ITIH6: variants seen among roughly 807,000 people sequenced by gnomAD.
The protein encoded by ITIH6 is inter-alpha-trypsin inhibitor heavy chain H6.
ITIH6 carries 60 observed loss-of-function variants against 58.2 expected under a neutral mutation model. That is an observed-to-expected ratio of 1.03 (90% CI 0.84 to 1.28). The LOEUF (loss-of-function observed/expected upper bound fraction) is 1.28. ITIH6 is among the 50% of genes most tolerant of loss of function. The pLI is 0.00. For missense variants in ITIH6, 1,290 were observed against 1,021.1 expected (o/e 1.26, Z -3.59); for synonymous variants, 493 against 417.4 (o/e 1.18, Z -2.21).
chrX:54,762,210 G>T (rs1188650286), intron 6 of ITIH6, among the ~76,000 whole-genome samples: 2 of 111,288 alleles, frequency 1.8e-5, no homozygotes, highest in African/African-American at 6.6e-5. Context: ...ATTGTGACTG[G>T]GAGTTCACTC....
At chrX:54,768,015 T>A (rs1425598885) in intron 6 of ITIH6, among the ~76,000 whole-genome samples, 1,839 of 74,198 alleles carry the variant, frequency 0.025, no homozygotes, top group African/African-American at 0.072. Context: ...ATTATTAATG[T>A]GTGGGAGTCT....
chrX:54,764,884 A>G (rs1292082947), intron 6 of ITIH6, among the ~76,000 whole-genome samples: 1 of 102,232 alleles, frequency 9.8e-6, no homozygotes, highest in Non-Finnish European at 2.0e-5. Flanking sequence ...CAACAGTGTA[A>G]AAGTGTCCCT....
chrX:54,788,931 A>G (rs1378167718), intron 4 of ITIH6, among the ~76,000 whole-genome samples: 2 of 111,596 alleles, frequency 1.8e-5, no homozygotes, highest in Admixed American at 9.4e-5. Context: ...TGGCAACCTC[A>G]CCCTGCTTCA....
intron 3 of ITIH6, among the ~76,000 whole-genome samples, chrX:54,791,304 T>G (rs1178758489): frequency 1.8e-5 from 2 of 108,894 alleles, no homozygotes; most frequent in African/African-American, 6.7e-5. Context: ...ATATTCTGCT[T>G]GAGAAATTAT....
At chrX:54,791,170 C>A (rs889786103) in intron 3 of ITIH6, 86 bp from the exon 4 acceptor site, 3 of 1,009,512 alleles carry the variant, frequency 3.0e-6, no homozygotes, top group South Asian at 2.3e-5. Flanking sequence ...TTTGCTCCCC[C>A]CAACCCTGGT....
chrX:54,752,540 A>G (rs1050567671), intron 11 of ITIH6, among the ~76,000 whole-genome samples: 3 of 112,347 alleles, frequency 2.7e-5, no homozygotes, highest in African/African-American at 9.7e-5. Context: ...CATCTTGTTC[A>G]TGCTCTAATT....
intron 6 of ITIH6, among the ~76,000 whole-genome samples, chrX:54,765,853 T>C (rs2147607429): frequency 9.1e-6 from 1 of 110,037 alleles, no homozygotes; most frequent in East Asian, 2.9e-4. Context: ...TCTTTTGGCT[T>C]AGGATTGACT....
intron 6 of ITIH6, among the ~76,000 whole-genome samples, chrX:54,773,836 C>T (rs1424804677): frequency 1.8e-5 from 2 of 110,447 alleles, no homozygotes; most frequent in Non-Finnish European, 3.8e-5. Flanking sequence ...CCTGGGCTTT[C>T]GTGGTTGAGG....
At chrX:54,792,976 C>T (rs1929375656) in intron 2 of ITIH6, among the ~76,000 whole-genome samples, 1 of 110,015 alleles carries the variant, frequency 9.1e-6, no homozygotes, top group Non-Finnish European at 1.9e-5. Context: ...TCCCCTCCCT[C>T]CCTCTCCCCT....
Position 54,751,381 on chromosome X carries a change from C to A in ITIH6, c.3353-1G>T. The A allele has an allele frequency of 8.3e-7, 1 of 1,209,321 alleles. No homozygotes were observed. The highest frequency in any genetic ancestry group is 1.1e-6 in the Non-Finnish European group (1 of 893,811). ...AGCAGCTTCCCACTCACATGCAGCCCTGGAGGGAGGGGAGTGTGGGCCTGG... is the reference window on the plus strand; with the variant it reads ...AGCAGCTTCCCACTCACATGCAGCCATGGAGGGAGGGGAGTGTGGGCCTGG... On this transcript the variant is annotated splice_acceptor_variant, in intron 11 of 12. Transcript: ENST00000218436. LOFTEE classifies it high-confidence loss of function.
rs1928855654 is a variant in ITIH6 at position 54,768,402 on chromosome X, A to T, written c.903+5679T>A. On this transcript the variant is annotated intron_variant, in intron 6 of 12. Transcript: ENST00000218436. The stretch of plus-strand genomic sequence containing the variant: ...TTTAGTCCATTTGCATTTAAAGTTA[A>T]TATTGTTATGTGTGAATTTGATCCT... 2.3e-5 allele frequency among the ~76,000 whole-genome samples: 2 copies of T among 87,643 alleles called. 1 individual carries two copies. The highest frequency in any genetic ancestry group is 9.2e-5 in the African/African-American group (2 of 21,689). The allele number at this position is 87,643 out of a possible 115,157, so 76.1% of individuals were successfully genotyped here.
At chrX:54,763,699 C>T (rs1329674634) in intron 6 of ITIH6, among the ~76,000 whole-genome samples, 1 of 111,876 alleles carries the variant, frequency 8.9e-6, no homozygotes, top group East Asian at 2.8e-4. Context: ...ATTGATGGTG[C>T]TGTTCAGTTC....
At position 54,768,295 on chromosome X, in the gene ITIH6, G is replaced by T. The variant is rs1454017217; in HGVS notation, c.903+5786C>A. 9.6e-5 allele frequency among the ~76,000 whole-genome samples: 7 copies of T among 72,772 alleles called. No homozygotes were observed. The Admixed American group carries it at 9.9e-4, about 10-fold the overall frequency. The allele number at this position is 72,772 out of a possible 115,157, so 63.2% of individuals were successfully genotyped here. A position where few individuals can be genotyped will look rare whatever the true frequency, so the allele number is the denominator to read the frequency against. Reference sequence around the variant, plus strand: ...TGAGCCTATGTGTGTCTCTGCACGTGAGATGGGTTTCCTGAATACAGCACA... The same window carrying T: ...TGAGCCTATGTGTGTCTCTGCACGTTAGATGGGTTTCCTGAATACAGCACA... On this transcript the variant is annotated intron_variant, in intron 6 of 12. Transcript: ENST00000218436.
In ITIH6 at chrX:54,751,098, T is replaced by A. The variant is rs1056493437; in HGVS notation, c.3635A>T (p.His1212Leu). Residue 1212 changes from histidine (H) to leucine (L), a missense_variant, in exon 12 of 13, where the codon CAC (histidine) becomes CTC (leucine). By Grantham distance (99) the His-to-Leu change is moderately conservative. Transcript: ENST00000218436. ...CAGGGTACTGGGATGCCTGTAGCGG[T>A]GTCGGAGGACTAGGAACTCAAGGTA... is the stretch of plus-strand genomic sequence containing the variant. ...GPYLEFLVLR[H>L]RYRHPSTLQL... The A allele has an allele frequency of 4.2e-6, 5 of 1,204,385 alleles. No individual in the cohort carries two copies. In the African/African-American group the frequency reaches 8.8e-5, roughly 21 times the overall value.
intron 6 of ITIH6, among the ~76,000 whole-genome samples, chrX:54,772,406 A>AT (rs1303099854): frequency 1.8e-5 from 2 of 112,220 alleles, no homozygotes; most frequent in East Asian, 5.6e-4. Flanking sequence ...TACTGTGCTT[A>AT]TTACCTGGGT....
At chrX:54,788,104 C>T (rs1929273687) in intron 5 of ITIH6, among the ~76,000 whole-genome samples, 3 of 111,673 alleles carry the variant, frequency 2.7e-5, no homozygotes, top group Non-Finnish European at 3.8e-5. Flanking sequence ...CGAGAGAGAG[C>T]AAGGAAGCCC....
Position 54,751,307 on chromosome X carries a change from G to T in ITIH6, c.3426C>A (p.Phe1142Leu). 1 of 1,211,958 alleles carries T rather than the reference G, an allele frequency of 8.3e-7. No homozygotes were observed. Among genetic ancestry groups the T allele is most frequent in the Non-Finnish European group, 1.1e-6 (1 of 895,403 alleles). ...PGHKDQTRTY[F>L]QIITVTTDKP... ...TGTCTGTAGTGACTGTGATGATCTG[G>T]AAGTAGGTGCGAGTCTGGTCCTTGT... Residue 1142 changes from phenylalanine to leucine, a missense_variant, in exon 12 of 13, where the codon TTC (phenylalanine) becomes TTA (leucine). Transcript: ENST00000218436.
chrX:54,756,857 C>CA, intron 8 of ITIH6, 108 bp downstream of exon 8: 2 of 468,625 alleles, frequency 4.3e-6, no homozygotes, highest in Non-Finnish European at 3.4e-6. Flanking sequence ...AGCAAGGAAG[C>CA]AGCTGTCCCA....
chrX:54,754,316 C>T (rs1257973954), intron 9 of ITIH6, among the ~76,000 whole-genome samples: 2 of 111,551 alleles, frequency 1.8e-5, no homozygotes, highest in African/African-American at 6.5e-5. Context: ...CTAAGATGGC[C>T]CACAGGATCT....
Sources: gnomAD v4.1 joint callset for allele counts (sites outside exome capture counted in the v4.1 genomes callset) on GRCh38, gnomAD v4.1.1 for gene constraint, MANE v1.5 for transcripts, NCBI Gene and HGNC (gene_info 2026-07-23, HGNC 2026-07-21) for gene names.